DENND4C: variants seen among roughly 807,000 people sequenced by gnomAD.
DENND4C encodes the protein DENN domain-containing protein 4C.
A neutral mutation model predicts 203.0 loss-of-function variants in DENND4C; 108 were observed. The ratio of observed to expected loss-of-function variants is 0.53; its 90% confidence interval spans 0.46 to 0.62. The LOEUF (loss-of-function observed/expected upper bound fraction) is 0.62. Among genes scored for constraint, DENND4C ranks in the 20% least tolerant of loss-of-function variants. The pLI, the probability that DENND4C is intolerant of heterozygous loss-of-function variation, is 0.00. For synonymous variants in DENND4C, 871 were observed against 792.4 expected (o/e 1.10, Z -1.67); for missense variants, 2,481 against 2,301.2 (o/e 1.08, Z -1.60).
chr9:19,256,529 G>C (rs1828012395), intron 1 of DENND4C, among the ~76,000 whole-genome samples: 1 of 151,440 alleles, frequency 6.6e-6, no homozygotes, highest in South Asian at 2.1e-4. Context: ...TGGTTAGGCT[G>C]GTCACGAGCT....
chr9:19,278,872 C>T (rs377550168), intron 2 of DENND4C, among the ~76,000 whole-genome samples: 13 of 151,426 alleles, frequency 8.6e-5, no homozygotes, highest in East Asian at 5.8e-4. Context: ...TCCACTCTGC[C>T]CCCCCAGAAG....
chr9:19,273,927 A>G (rs1832303004), intron 1 of DENND4C, among the ~76,000 whole-genome samples: 1 of 152,050 alleles, frequency 6.6e-6, no homozygotes, highest in Non-Finnish European at 1.5e-5. Context: ...GACAAATGAA[A>G]GCATTATGTC....
chr9:19,297,064 T>G (rs975799400), intron 6 of DENND4C, among the ~76,000 whole-genome samples: 2 of 152,246 alleles, frequency 1.3e-5, no homozygotes, highest in Non-Finnish European at 2.9e-5. Context: ...AAAGCATCTT[T>G]TCTGATTTCT....
chr9:19,289,588 G>A (rs1294445862), intron 4 of DENND4C, among the ~76,000 whole-genome samples: 1 of 152,144 alleles, frequency 6.6e-6, no homozygotes, highest in Non-Finnish European at 1.5e-5. Context: ...CAGCACTTTG[G>A]GAGAGTGAGG....
intron 17 of DENND4C, among the ~76,000 whole-genome samples, 193 bp downstream of exon 17, chr9:19,332,377 G>A (rs555424715): frequency 5.3e-5 from 8 of 152,006 alleles, no homozygotes; most frequent in Admixed American, 2.0e-4. Flanking sequence ...TTGTTTTTGT[G>A]ACAGAGTCTC....
chr9:19,343,901 G>A (rs189863366), intron 22 of DENND4C, among the ~76,000 whole-genome samples: 9 of 152,220 alleles, frequency 5.9e-5, no homozygotes, highest in East Asian at 3.9e-4. Context: ...AAAATGTGCC[G>A]TTAAATTCCT....
chr9:19,350,695 A>G lies in DENND4C; in HGVS notation c.4318-7A>G, dbSNP rs369148762. The G allele has an allele frequency of 1.9e-6, 3 of 1,593,342 alleles. No homozygotes were observed. Among genetic ancestry groups the G allele is most frequent in the Non-Finnish European group, 2.6e-6 (3 of 1,172,708 alleles). ...ATGTATGTGGAATTTTTTTTTTTCA[A>G]TTAAAGGAAGAAACTAATAGAGACT... is the stretch of plus-strand genomic sequence containing the variant. On this transcript the variant is annotated splice_polypyrimidine_tract_variant and splice_region_variant and intron_variant, in intron 23 of 32. Transcript: ENST00000434457.
chr9:19,302,409 T>C (rs73435109), intron 9 of DENND4C, among the ~76,000 whole-genome samples: 4,097 of 152,352 alleles, frequency 0.027, 181 homozygotes, highest in African/African-American at 0.091. Context: ...TAGCTTTTTT[T>C]CTAAGGTTTC....
intron 1 of DENND4C, among the ~76,000 whole-genome samples, chr9:19,246,830 A>T (rs1488417548): frequency 2.6e-5 from 4 of 152,042 alleles, no homozygotes; most frequent in Non-Finnish European, 5.9e-5. Context: ...TATAACTCTT[A>T]ATTCTCTAAC....
At chr9:19,290,981 C>A in intron 5 of DENND4C, 105 bp downstream of exon 5, 1 of 1,208,028 alleles carries the variant, frequency 8.3e-7, no homozygotes, top group Non-Finnish European at 1.1e-6. Context: ...GGACATGATA[C>A]ATTTTGGTTT....
chr9:19,334,923 T>G (rs1820092682), intron 17 of DENND4C, 54 bp from the exon 18 acceptor site: 44 of 1,454,486 alleles, frequency 3.0e-5, no homozygotes, highest in Non-Finnish European at 4.1e-5. Flanking sequence ...ATCTCTACAA[T>G]TCACAGATAG....
intron 1 of DENND4C, among the ~76,000 whole-genome samples, chr9:19,261,095 C>T (rs1224108850): frequency 6.6e-6 from 1 of 151,950 alleles, no homozygotes; most frequent in Non-Finnish European, 1.5e-5. Flanking sequence ...CTAGTTTTCC[C>T]AGCAATATTT....
intron 31 of DENND4C, among the ~76,000 whole-genome samples, chr9:19,371,009 G>C (rs1828724804): frequency 6.6e-6 from 1 of 152,212 alleles, no homozygotes; most frequent in African/African-American, 2.4e-5. Flanking sequence ...TGAGTAGCTT[G>C]CTTCAAGCAT....
chr9:19,280,531 G>C (rs1035112290), intron 2 of DENND4C, among the ~76,000 whole-genome samples: 3 of 151,928 alleles, frequency 2.0e-5, no homozygotes, highest in African/African-American at 7.3e-5. Flanking sequence ...GACATTAATG[G>C]TTTTATTGTT....
At chr9:19,274,059 A>G (rs981660026) in intron 1 of DENND4C, among the ~76,000 whole-genome samples, 1 of 152,044 alleles carries the variant, frequency 6.6e-6, no homozygotes, top group African/African-American at 2.4e-5. Flanking sequence ...CATTCAGTAG[A>G]ATACCACTCA....
intron 12 of DENND4C, among the ~76,000 whole-genome samples, chr9:19,318,843 C>T (rs531614797): frequency 1.3e-5 from 2 of 152,282 alleles, no homozygotes; most frequent in African/African-American, 4.8e-5. Context: ...CAAATAGTTA[C>T]ATTCCGAGGT....
chr9:19,311,581 C>A (rs1320030018), intron 10 of DENND4C, among the ~76,000 whole-genome samples: 1 of 151,838 alleles, frequency 6.6e-6, no homozygotes, highest in Non-Finnish European at 1.5e-5. Context: ...GTCAAAAGAC[C>A]AATAACTCTA....
At chr9:19,287,095 G>T in intron 3 of DENND4C, 74 bp downstream of exon 3, 1 of 1,177,906 alleles carries the variant, frequency 8.5e-7, no homozygotes, top group Non-Finnish European at 1.1e-6. Context: ...CCTGTTTACT[G>T]TTGGGTATAT....
intron 1 of DENND4C, among the ~76,000 whole-genome samples, chr9:19,237,895 A>G (rs1439429006): frequency 2.0e-5 from 3 of 152,264 alleles, no homozygotes; most frequent in Admixed American, 6.5e-5. Flanking sequence ...ATATTATTCA[A>G]TATGTGTAGT....
Sources: allele counts gnomAD v4.1 joint callset (sites outside exome capture counted in the v4.1 genomes callset), GRCh38; gene constraint gnomAD v4.1.1; transcripts MANE v1.5; gene names NCBI Gene and HGNC (gene_info 2026-07-23, HGNC 2026-07-21).